Variants in PDE1A observed in about 807,000 individuals in gnomAD.
The protein encoded by PDE1A is phosphodiesterase 1A.
A neutral mutation model predicts 61.7 loss-of-function variants in PDE1A; 35 were observed. That is an observed-to-expected ratio of 0.57 (90% CI 0.43 to 0.75). The LOEUF is 0.75. Ranked by LOEUF, PDE1A falls within the 30% of genes least tolerant of loss-of-function variation. PDE1A has a pLI of 0.00. For missense variants in PDE1A, 597 were observed against 630.6 expected (o/e 0.95, Z 0.57); for synonymous variants, 232 against 213.2 (o/e 1.09, Z -0.77).
intron 2 of PDE1A, among the ~76,000 whole-genome samples, chr2:182,515,897 T>C (rs1305392729): frequency 6.6e-6 from 1 of 151,866 alleles, no homozygotes; most frequent in Non-Finnish European, 1.5e-5. Flanking sequence ...CTGAATCCAA[T>C]GTGCCATAGA....
chr2:182,327,068 C>G (rs2124902670), intron 1 of PDE1A, among the ~76,000 whole-genome samples: 1 of 152,302 alleles, frequency 6.6e-6, no homozygotes, highest in Middle Eastern at 3.4e-3. Context: ...GAATATCTAG[C>G]TGACTAGGAA....
At chr2:182,173,518 A>G (rs922514640) in intron 13 of PDE1A, among the ~76,000 whole-genome samples, 1 of 151,834 alleles carries the variant, frequency 6.6e-6, no homozygotes, top group African/African-American at 2.4e-5. Context: ...AAAGCTGAAG[A>G]GGTTAAATTG....
At chr2:182,685,779 G>A in the PDE1A span, among the ~76,000 whole-genome samples, 1 of 152,128 alleles carries the variant, frequency 6.6e-6, no homozygotes, top group African/African-American at 2.4e-5. Context: ...AAGTGCTTTT[G>A]CTTTTTGATC....
chr2:182,469,513 A>G (rs1686889336), intron 2 of PDE1A, among the ~76,000 whole-genome samples: 1 of 151,994 alleles, frequency 6.6e-6, no homozygotes, highest in Non-Finnish European at 1.5e-5. Flanking sequence ...GGCTGGTTTG[A>G]TCAACTATCC....
intron 2 of PDE1A, among the ~76,000 whole-genome samples, chr2:182,482,640 T>C (rs1312427250): frequency 6.6e-6 from 1 of 151,936 alleles, no homozygotes; most frequent in Non-Finnish European, 1.5e-5. Context: ...GGAATGTCAG[T>C]TAACAGTAGG....
At chr2:182,343,849 T>A (rs1420906526) in intron 1 of PDE1A, among the ~76,000 whole-genome samples, 1 of 146,224 alleles carries the variant, frequency 6.8e-6, no homozygotes, top group Non-Finnish European at 1.5e-5. Context: ...AAATACATAG[T>A]AATCTCTTAA....
chr2:182,238,266 C>CAAAA lies in PDE1A; in HGVS notation c.350+1840_350+1843dup, dbSNP rs3063250. Among the ~76,000 whole-genome samples, 690 of 97,966 alleles carry CAAAA rather than the reference C, an allele frequency of 7.0e-3. 13 individuals are homozygous for CAAAA. The highest frequency in any genetic ancestry group is 0.016 in the South Asian group (43 of 2,666). 64.3% of individuals were successfully genotyped at this position (97,966 alleles called of 152,430 possible). On this transcript the variant is annotated intron_variant, in intron 3 of 13. Coordinates refer to ENST00000351439, the Ensembl canonical transcript of PDE1A. ...CCTGGGTGACAGAGCCAGACTACGT[C>CAAAA]AAAAAAAAAAAAAAAAGAAAAAGAA...
chr2:182,619,820 G>A, the PDE1A span, among the ~76,000 whole-genome samples: 2 of 152,070 alleles, frequency 1.3e-5, no homozygotes, highest in Non-Finnish European at 1.5e-5. Flanking sequence ...TCACAGTTCT[G>A]GAGACTGGAA....
At chr2:182,410,705 T>C (rs527799612) in intron 1 of PDE1A, among the ~76,000 whole-genome samples, 3 of 152,336 alleles carry the variant, frequency 2.0e-5, no homozygotes, top group African/African-American at 4.8e-5. Context: ...ACTTGGAAGA[T>C]ATCTGGGTAA....
At chr2:182,367,752 T>C (rs1356039453) in intron 1 of PDE1A, among the ~76,000 whole-genome samples, 1 of 152,104 alleles carries the variant, frequency 6.6e-6, no homozygotes, top group African/African-American at 2.4e-5. Flanking sequence ...TATTTTGCCA[T>C]GCACAGATGC....
the PDE1A span, among the ~76,000 whole-genome samples, chr2:182,539,198 A>G: frequency 6.6e-6 from 1 of 152,226 alleles, no homozygotes; most frequent in South Asian, 2.1e-4. Flanking sequence ...TTTCACAAAC[A>G]TGGTTTATTT....
the PDE1A span, among the ~76,000 whole-genome samples, chr2:182,590,407 G>A: frequency 3.3e-5 from 5 of 152,214 alleles, no homozygotes; most frequent in South Asian, 2.1e-4. Flanking sequence ...GTTCAGGGCT[G>A]CAGTGAGCTA....
At chr2:182,312,637 G>A (rs1240539107) in intron 1 of PDE1A, among the ~76,000 whole-genome samples, 1 of 152,020 alleles carries the variant, frequency 6.6e-6, no homozygotes, top group Non-Finnish European at 1.5e-5. Context: ...GTTAATTTGT[G>A]GACTCCACTT....
At chr2:182,666,582 T>G in the PDE1A span, among the ~76,000 whole-genome samples, 1 of 147,898 alleles carries the variant, frequency 6.8e-6, no homozygotes, top group African/African-American at 2.5e-5. Context: ...CACTCCAGCC[T>G]AGGAAACAAC....
At chr2:182,573,280 A>G in the PDE1A span, among the ~76,000 whole-genome samples, 1 of 152,170 alleles carries the variant, frequency 6.6e-6, no homozygotes, top group Non-Finnish European at 1.5e-5. Flanking sequence ...GACATCACTG[A>G]TCCTGTCAAA....
At chr2:182,324,458 T>G (rs1696914502) in intron 1 of PDE1A, among the ~76,000 whole-genome samples, 1 of 152,134 alleles carries the variant, frequency 6.6e-6, no homozygotes, top group Non-Finnish European at 1.5e-5. Flanking sequence ...CAAAACATAG[T>G]TACTTAGTTG....
chr2:182,190,974 A>G (rs1685637796), intron 10 of PDE1A, among the ~76,000 whole-genome samples: 1 of 152,150 alleles, frequency 6.6e-6, no homozygotes, highest in Admixed American at 6.6e-5. Context: ...AAAGAAAAAA[A>G]AATCCATAAT....
chr2:182,196,692 G>A (rs1207848076), intron 10 of PDE1A, among the ~76,000 whole-genome samples: 3 of 151,756 alleles, frequency 2.0e-5, no homozygotes, highest in Non-Finnish European at 4.4e-5. Flanking sequence ...GCCAATTTTT[G>A]AACTTCATAT....
the PDE1A span, among the ~76,000 whole-genome samples, chr2:182,640,559 T>G: frequency 1.2e-4 from 18 of 152,166 alleles, no homozygotes; most frequent in African/African-American, 4.1e-4. Flanking sequence ...TAAAATGATT[T>G]TATTTTCTAA....
Sources: gnomAD v4.1 joint callset for allele counts (sites outside exome capture counted in the v4.1 genomes callset) on GRCh38, gnomAD v4.1.1 for gene constraint, MANE v1.5 for transcripts, NCBI Gene and HGNC (gene_info 2026-07-23, HGNC 2026-07-21) for gene names.